The following THBS2 variants were observed in gnomAD, a reference collection of about 807,000 sequenced individuals.
THBS2 encodes thrombospondin 2.
Under a neutral mutation model 135.2 loss-of-function variants are expected in THBS2, and 47 were observed. The observed-to-expected ratio is 0.35, with a 90% confidence interval of 0.28 to 0.44. THBS2 has a LOEUF of 0.44. Among genes scored for constraint, THBS2 ranks in the 20% least tolerant of loss-of-function variants. THBS2 has a pLI of 1.00. For missense variants in THBS2, 1,288 were observed against 1,603.1 expected, an observed-to-expected ratio of 0.80 and a Z score of 3.36; for synonymous variants, 639 against 633.8, an observed-to-expected ratio of 1.01 and a Z score of -0.12.
rs562584898 is a variant in THBS2 at position 169,216,485 on chromosome 6, G to A, written c.*1337C>T. On this transcript the variant is annotated 3_prime_UTR_variant, in exon 22 of 22. Transcript: ENST00000617924. ...CATATTACACATGACTGATTATTGG[G>A]TGTGCCTGGCAAGACTAAATGCTGA... The A allele has an allele frequency of 1.4e-5, 2 of 146,352 alleles. No homozygotes were observed. The highest frequency in any genetic ancestry group is 1.4e-4 in the Admixed American group (2 of 14,290). The allele number at this position is 146,352 out of a possible 1,614,324, so 9.1% of individuals were successfully genotyped here.
In THBS2 at chr6:169,222,339, T is replaced by C; in HGVS notation, c.3131A>G (p.Gln1044Arg). The change falls in exon 19 of 22, where the codon CAG (glutamine) becomes CGG (arginine). Residue 1044 changes from glutamine (Q) to arginine (R), a missense_variant. Transcript: ENST00000617924. The stretch of plus-strand genomic sequence containing the variant: ...GTCCTCCCAGTAGGTCTGCGTCACC[T>C]GCTTCCACATCACCACATAGAAGCG... ...SSRFYVVMWK[Q>R]VTQTYWEDQP... The C allele has an allele frequency of 6.2e-7, 1 of 1,613,682 alleles. No homozygotes were observed. Among genetic ancestry groups the C allele is most frequent in the Non-Finnish European group, 8.5e-7 (1 of 1,180,038 alleles).
At chr6:169,229,499 G>A in intron 14 of THBS2, 73 bp downstream of exon 14, 1 of 1,178,260 alleles carries the variant, frequency 8.5e-7, no homozygotes, top group Non-Finnish European at 1.3e-6. Flanking sequence ...GGGCTGTTTG[G>A]TATAAAGTGG....
chr6:169,242,598 A>ACTGCTCC (rs1477109530), intron 4 of THBS2, among the ~76,000 whole-genome samples: 3 of 62,988 alleles, frequency 4.8e-5, no homozygotes, highest in African/African-American at 2.0e-4. Context: ...CCACCTTCCC[A>ACTGCTCC]CATTCCCACC....
chr6:169,222,075 G>A, intron 19 of THBS2, 122 bp downstream of exon 19: 2 of 1,155,556 alleles, frequency 1.7e-6, no homozygotes, highest in South Asian at 3.1e-5. Context: ...TAAAATAACT[G>A]TGCCTGGAGT....
In THBS2 at chr6:169,222,406, C is replaced by T; in HGVS notation, c.3064G>A (p.Asp1022Asn). ...GTFYVNTDRD[D>N]DYAGFVFGYQ... ...CCAAAGACGAAGCCGGCATAGTCGTCGTCCCGGTCAGTGTTTACGTAGAAT... is the reference window on the plus strand; with the variant it reads ...CCAAAGACGAAGCCGGCATAGTCGTTGTCCCGGTCAGTGTTTACGTAGAAT... The change falls in exon 19 of 22, where the codon GAC becomes AAC. Residue 1022 changes from aspartate to asparagine, a missense_variant. Around this residue, in one of 2 missense-constraint regions of THBS2, gnomAD observed 874 missense variants for 1,156.1 expected, o/e 0.76. Coordinates refer to ENST00000617924, the MANE Select transcript of THBS2 (RefSeq NM_003247.5). 3 of 1,613,776 alleles carry T rather than the reference C, an allele frequency of 1.9e-6. No homozygotes were observed. The highest frequency in any genetic ancestry group is 1.7e-6 in the Non-Finnish European group (2 of 1,180,036).
Position 169,248,928 on chromosome 6 carries a change from C to A in THBS2, c.98G>T (p.Ser33Ile). 3.7e-6 allele frequency: 6 copies of A among 1,613,306 alleles called. No homozygotes were observed. Among genetic ancestry groups the A allele is most frequent in the Non-Finnish European group, 5.1e-6 (6 of 1,179,626 alleles). Residue 33 changes from serine (S) to isoleucine (I), a missense_variant, in exon 3 of 22, where the codon AGC (serine) becomes ATC (isoleucine). By Grantham distance (142) the Ser-to-Ile change is moderately radical. Around this residue, in one of 2 missense-constraint regions of THBS2, gnomAD observed 414 missense variants for 447.0 expected, o/e 0.93. Coordinates refer to ENST00000617924, the MANE Select transcript of THBS2 (RefSeq NM_003247.5). Reference sequence around the variant, plus strand: ...GCCAATGGTCTTGCGGTTGATGTTGCTGATACTGAAAAGGTCGAAGGTCGT... The same window carrying A: ...GCCAATGGTCTTGCGGTTGATGTTGATGATACTGAAAAGGTCGAAGGTCGT... ...KDTTFDLFSI[S>I]NINRKTIGAK...
intron 3 of THBS2, among the ~76,000 whole-genome samples, chr6:169,247,360 T>C (rs1304487072): frequency 6.6e-6 from 1 of 151,918 alleles, no homozygotes; most frequent in Non-Finnish European, 1.5e-5. Flanking sequence ...CACGTGTGCC[T>C]GTTTGTATAC....
Position 169,228,341 on chromosome 6 carries a change from T to TA in THBS2, c.2260-61_2260-60insT, listed in dbSNP as rs1779715033. On this transcript the variant is annotated intron_variant, in intron 14 of 21. Coordinates refer to ENST00000617924, the MANE Select transcript of THBS2 (RefSeq NM_003247.5). ...ATCATAGGAATGTGTGTCGGGCCGT[T>TA]TAGCACTTATAAGTTATGTACTCAA... The TA allele has an allele frequency of 7.5e-5, 119 of 1,584,212 alleles. No individual in the cohort carries two copies. In the South Asian group the frequency reaches 1.3e-3, roughly 17 times the overall value.
intron 1 of THBS2, among the ~76,000 whole-genome samples, chr6:169,253,252 C>G (rs1055099972): frequency 1.3e-5 from 2 of 152,170 alleles, no homozygotes; most frequent in African/African-American, 4.8e-5. Flanking sequence ...ATCAGAGTCT[C>G]TCTCTAATCT....
intron 1 of THBS2, among the ~76,000 whole-genome samples, chr6:169,251,174 G>A (rs957562526): frequency 2.0e-4 from 30 of 152,246 alleles, no homozygotes; most frequent in African/African-American, 7.2e-4. Context: ...CTGTTCATAC[G>A]ACTCGTAGAC....
intron 17 of THBS2, among the ~76,000 whole-genome samples, chr6:169,224,162 T>G: frequency 6.6e-6 from 1 of 152,192 alleles, no homozygotes; most frequent in East Asian, 1.9e-4. Flanking sequence ...CAAGTTGGAT[T>G]GAATATCTCA....
chr6:169,226,149 T>C (rs7454644), intron 16 of THBS2, 31 bp downstream of exon 16: 130,989 of 1,583,804 alleles, frequency 0.083, 8,795 homozygotes, highest in African/African-American at 0.36. Flanking sequence ...GATGAGGACC[T>C]CCAACCCCGC....
chr6:169,227,454 TAGA>T (rs1779675721), intron 15 of THBS2, among the ~76,000 whole-genome samples: 2 of 152,318 alleles, frequency 1.3e-5, no homozygotes, highest in South Asian at 4.1e-4. Flanking sequence ...TTCTAACTCC[TAGA>T]AGCTCAGTTT....
intron 21 of THBS2, among the ~76,000 whole-genome samples, chr6:169,218,407 G>A (rs1779267616): frequency 1.3e-5 from 2 of 148,974 alleles, no homozygotes; most frequent in South Asian, 2.2e-4. Flanking sequence ...GAGATGGATG[G>A]GTGGGTGGAT....
At chr6:169,240,374 G>A (rs917041374) in intron 6 of THBS2, 78 bp downstream of exon 6, 7 of 1,571,400 alleles carry the variant, frequency 4.5e-6, no homozygotes, top group Non-Finnish European at 5.2e-6. Context: ...ACTGAACGCT[G>A]GCATTTCCAG....
chr6:169,226,660 G>A (rs1227400007), intron 15 of THBS2, among the ~76,000 whole-genome samples: 2 of 152,192 alleles, frequency 1.3e-5, no homozygotes, highest in Admixed American at 6.5e-5. Flanking sequence ...GTTCCCAGGA[G>A]TTTATCATCC....
In THBS2 at chr6:169,232,752, G is replaced by C; in HGVS notation, c.1844C>G (p.Pro615Arg). 1 of 1,614,078 alleles carries C rather than the reference G, an allele frequency of 6.2e-7. No homozygotes were observed. Among genetic ancestry groups the C allele is most frequent in the Non-Finnish European group, 8.5e-7 (1 of 1,179,960 alleles). ...CGGGCAGGGCAGGCAGTGGAAGCCA[G>C]GCTGAGTGTTGACACAGCGAGGCAC... Reference protein sequence around the residue: ...SKVPRCVNTQPGFHCLPCPPR... With the variant: ...SKVPRCVNTQRGFHCLPCPPR... Residue 615 changes from proline (P) to arginine (R), a missense_variant, in exon 12 of 22, where the codon CCT becomes CGT. Physicochemically the swap from Pro to Arg is moderately radical, Grantham distance 103. Coordinates refer to ENST00000617924, the MANE Select transcript of THBS2 (RefSeq NM_003247.5).
intron 18 of THBS2, 46 bp downstream of exon 18, chr6:169,223,202 T>A: frequency 1.3e-6 from 2 of 1,573,258 alleles, no homozygotes; most frequent in Non-Finnish European, 1.7e-6. Flanking sequence ...TGTGGGCGCC[T>A]CCCCCGGAGA....
In THBS2 at chr6:169,237,767, C is replaced by T. The variant is rs141466956; in HGVS notation, c.1158G>A (p.Pro386=). ...HSVDGEEGWS[P]WAEWTQCSVT... ...CGGAGCACTGGGTCCACTCTGCCCA[C>T]GGAGACCAGCCCTCCTCACCGTCCA... Residue 386 remains proline (P), a synonymous_variant, in exon 8 of 22, where the codon CCG becomes CCA. Transcript: ENST00000617924. 149 of 1,611,406 alleles carry T rather than the reference C, an allele frequency of 9.2e-5. No homozygotes were observed. In the African/African-American group the frequency reaches 1.4e-3, roughly 15 times the overall value.
Sources: allele counts gnomAD v4.1 joint callset (sites outside exome capture counted in the v4.1 genomes callset), GRCh38; gene constraint gnomAD v4.1.1; regional missense constraint gnomAD v4.1.1; transcripts MANE v1.5; gene names NCBI Gene and HGNC (gene_info 2026-07-23, HGNC 2026-07-21).